ATXN1: variants seen among roughly 807,000 people sequenced by gnomAD.
ATXN1 encodes ataxin-1.
Under a neutral mutation model 56.4 loss-of-function variants are expected in ATXN1, and 8 were observed. That is an observed-to-expected ratio of 0.14 (90% CI 0.08 to 0.26). ATXN1 has a LOEUF of 0.26. Among genes scored for constraint, ATXN1 ranks in the 10% least tolerant of loss-of-function variants. ATXN1 has a pLI of 1.00. For missense variants in ATXN1, 987 were observed against 1,106.5 expected (o/e 0.89, Z 1.53); for synonymous variants, 514 against 494.6 (o/e 1.04, Z -0.52).
chr6:16,661,473 A>G (rs1758318901), intron 2 of ATXN1, among the ~76,000 whole-genome samples: 1 of 152,222 alleles, frequency 6.6e-6, no homozygotes, highest in Non-Finnish European at 1.5e-5. Flanking sequence ...ATTGTCAGGA[A>G]TAGACCATAA....
chr6:16,494,239 T>C (rs1485338205), intron 5 of ATXN1, among the ~76,000 whole-genome samples: 1 of 152,228 alleles, frequency 6.6e-6, no homozygotes, highest in Non-Finnish European at 1.5e-5. Flanking sequence ...CAAGGTATTC[T>C]GAAGAATATG....
chr6:16,617,599 C>T (rs1318219866), intron 3 of ATXN1, among the ~76,000 whole-genome samples: 1 of 151,880 alleles, frequency 6.6e-6, no homozygotes, highest in East Asian at 1.9e-4. Context: ...CCCGTCTCTA[C>T]TAAAAACACA....
chr6:16,491,487 T>C (rs1228832190), intron 5 of ATXN1, among the ~76,000 whole-genome samples: 1 of 151,708 alleles, frequency 6.6e-6, no homozygotes, highest in Non-Finnish European at 1.5e-5. Flanking sequence ...GGTTTCACCA[T>C]GTTGGCCATG....
intron 6 of ATXN1, among the ~76,000 whole-genome samples, chr6:16,458,162 G>A (rs1024184320): frequency 1.2e-4 from 18 of 152,168 alleles, no homozygotes; most frequent in Admixed American, 7.9e-4. Context: ...AATGACAGCC[G>A]AAGAAAGGGA....
chr6:16,499,499 T>C (rs1039173432), intron 5 of ATXN1, among the ~76,000 whole-genome samples: 2 of 152,162 alleles, frequency 1.3e-5, no homozygotes, highest in African/African-American at 4.8e-5. Context: ...CAACCACCTC[T>C]TGAGGTGGTG....
chr6:16,729,124 C>T (rs1002714466), intron 2 of ATXN1, among the ~76,000 whole-genome samples: 1 of 152,232 alleles, frequency 6.6e-6, no homozygotes, highest in Non-Finnish European at 1.5e-5. Context: ...GTTTTAAAAA[C>T]ATCCTCCTTT....
chr6:16,337,982 C>T (rs565884927), intron 6 of ATXN1, among the ~76,000 whole-genome samples: 237 of 152,226 alleles, frequency 1.6e-3, no homozygotes, highest in Non-Finnish European at 2.5e-3. Context: ...ATCTCACTAC[C>T]CGATGCATGA....
intron 6 of ATXN1, among the ~76,000 whole-genome samples, chr6:16,401,624 A>T (rs895488890): frequency 1.6e-5 from 2 of 125,082 alleles, no homozygotes; most frequent in African/African-American, 3.0e-5. Context: ...CATTGGGAAG[A>T]GTGCTCCTGG....
intron 4 of ATXN1, among the ~76,000 whole-genome samples, chr6:16,564,633 T>A (rs1341074422): frequency 6.6e-6 from 1 of 152,226 alleles, no homozygotes; most frequent in African/African-American, 2.4e-5. Flanking sequence ...ATGATTCTAT[T>A]TATATGGAAT....
chr6:16,304,941 G>C lies in ATXN1; in HGVS notation c.*1388C>G, dbSNP rs1760205767. ...TGATTCTCAGACATCAAAGTGAAAA[G>C]TGCCTCCCGTCAGGTAGTACTTGGT... On this transcript the variant is annotated 3_prime_UTR_variant, in exon 8 of 8. Transcript: ENST00000436367. 3.3e-5 allele frequency: 5 copies of C among 152,628 alleles called. No individual in the cohort carries two copies. In the South Asian group the frequency reaches 1.0e-3, roughly 32 times the overall value. The allele number at this position is 152,628 out of a possible 1,614,324, so 9.5% of individuals were successfully genotyped here. A position where few individuals can be genotyped will look rare whatever the true frequency, so the allele number is the denominator to read the frequency against.
Position 16,761,336 on chromosome 6 carries a change from G to T in ATXN1, c.-768C>A, listed in dbSNP as rs887828159. ...TGGATCTGGGGTTGCGTGGGGAAGG[G>T]GGGGCAGAGGGAGAGAAACAATGTC... On this transcript the variant is annotated 5_prime_UTR_variant, in exon 1 of 8. Coordinates refer to ENST00000436367, the MANE Select transcript of ATXN1 (RefSeq NM_001128164.2). The T allele has an allele frequency of 6.6e-6, 3 of 456,340 alleles. No homozygotes were observed. Among genetic ancestry groups the T allele is most frequent in the Non-Finnish European group, 1.3e-5 (3 of 226,920 alleles). 28.3% of individuals were successfully genotyped at this position (456,340 alleles called of 1,614,324 possible). A position where few individuals can be genotyped will look rare whatever the true frequency, so the allele number is the denominator to read the frequency against.
chr6:16,428,624 G>A (rs1453061131), intron 6 of ATXN1, among the ~76,000 whole-genome samples: 1 of 152,100 alleles, frequency 6.6e-6, no homozygotes, highest in East Asian at 1.9e-4. Flanking sequence ...TTGCAAATGA[G>A]GAAAGGAGAC....
At chr6:16,588,372 A>G (rs1762666051) in intron 3 of ATXN1, among the ~76,000 whole-genome samples, 1 of 152,168 alleles carries the variant, frequency 6.6e-6, no homozygotes, top group South Asian at 2.1e-4. Context: ...CTTACTTTCA[A>G]TTCCTTAAAA....
intron 2 of ATXN1, among the ~76,000 whole-genome samples, chr6:16,684,592 A>C (rs747797791): frequency 4.6e-5 from 7 of 152,098 alleles, no homozygotes; most frequent in Non-Finnish European, 7.4e-5. Flanking sequence ...AACTTCGGTT[A>C]TTTGCCAAAG....
At chr6:16,640,982 G>T (rs1345105659) in intron 3 of ATXN1, among the ~76,000 whole-genome samples, 1 of 152,216 alleles carries the variant, frequency 6.6e-6, no homozygotes, top group Non-Finnish European at 1.5e-5. Flanking sequence ...CCTTGTTGCT[G>T]ATATGGACAA....
chr6:16,664,255 G>A (rs1758380870), intron 2 of ATXN1, among the ~76,000 whole-genome samples: 1 of 152,142 alleles, frequency 6.6e-6, no homozygotes, highest in South Asian at 2.1e-4. Context: ...AAGAGTATAA[G>A]CAAAATGGCA....
Position 16,303,999 on chromosome 6 carries a change from C to T in ATXN1, c.*2330G>A, listed in dbSNP as rs1379227307. On this transcript the variant is annotated 3_prime_UTR_variant, in exon 8 of 8. Transcript: ENST00000436367. This position sits in a 1 kb window ranked among gnomAD's most constrained non-coding sequence, Gnocchi z 4.3. ...ATGAGCCCACCCAGCTCTCTGCAAG[C>T]ATGCTGAGAGGGTAATGAAATTCGA... 4 of 152,504 alleles carry T rather than the reference C, an allele frequency of 2.6e-5. No homozygotes were observed. Among genetic ancestry groups the T allele is most frequent in the Admixed American group, 6.5e-5 (1 of 15,286 alleles). 9.4% of individuals were successfully genotyped at this position (152,504 alleles called of 1,614,324 possible).
At chr6:16,631,463 G>C (rs1453043706) in intron 3 of ATXN1, among the ~76,000 whole-genome samples, 1 of 152,174 alleles carries the variant, frequency 6.6e-6, no homozygotes, top group Non-Finnish European at 1.5e-5. Context: ...ACTCTGCTCA[G>C]CTCTTGATAT....
chr6:16,467,221 A>T (rs950314891), intron 6 of ATXN1, among the ~76,000 whole-genome samples: 5 of 152,326 alleles, frequency 3.3e-5, no homozygotes, highest in South Asian at 2.1e-4. Flanking sequence ...TAGTCTATTT[A>T]AAAAAATGTT....
Sources: gnomAD v4.1 joint callset for allele counts (sites outside exome capture counted in the v4.1 genomes callset) on GRCh38, gnomAD v4.1.1 for gene constraint, Gnocchi (gnomAD v3.1) non-coding constraint, MANE v1.5 for transcripts, NCBI Gene and HGNC (gene_info 2026-07-23, HGNC 2026-07-21) for gene names.